ZFP30: variants seen among roughly 807,000 people sequenced by gnomAD.
ZFP30 encodes ZFP30 zinc finger protein, also known as zinc finger protein 30 homolog.
ZFP30 carries 16 observed loss-of-function variants against 12.3 expected under a neutral mutation model. The ratio of observed to expected loss-of-function variants is 1.30; its 90% confidence interval spans 0.88 to 1.98. The LOEUF (loss-of-function observed/expected upper bound fraction) is 1.98, where lower values mean the gene tolerates loss of function less well. Among genes scored for constraint, ZFP30 ranks in the 30% most tolerant of loss-of-function variants. The pLI, the probability that ZFP30 is intolerant of heterozygous loss-of-function variation, is 0.00. For synonymous variants in ZFP30, 172 were observed against 201.0 expected (o/e 0.86, Z 1.22); for missense variants, 560 against 611.2 (o/e 0.92, Z 0.88).
intron 2 of ZFP30, among the ~76,000 whole-genome samples, chr19:37,651,263 G>A (rs1342043769): frequency 6.6e-6 from 1 of 152,024 alleles, no homozygotes; most frequent in Non-Finnish European, 1.5e-5. Context: ...TGTAATTGAA[G>A]GATGAAGCTC....
rs59250127 is a variant in ZFP30, at chr19:37,631,680, T to TAAAAAA, written c.*3295_*3300dup. 3 of 111,376 alleles carry TAAAAAA rather than the reference T, an allele frequency of 2.7e-5. No homozygotes were observed. Among genetic ancestry groups the TAAAAAA allele is most frequent in the African/African-American group, 6.1e-5 (2 of 32,830 alleles). The allele number at this position is 111,376 out of a possible 1,614,324, so 6.9% of individuals were successfully genotyped here. A position where few individuals can be genotyped will look rare whatever the true frequency, so the allele number is the denominator to read the frequency against. On this transcript the variant is annotated 3_prime_UTR_variant, in exon 6 of 6. Transcript: ENST00000684514. ...ATTCCATTCTTAATACATAGAAAGCTAAAAAAAAAAAAAAAAAAAAGACAA... is the reference window on the plus strand; with the variant it reads ...ATTCCATTCTTAATACATAGAAAGCTAAAAAAAAAAAAAAAAAAAAAAAAAAGACAA...
At position 37,635,958 on chromosome 19, in the gene ZFP30, A is replaced by C; in HGVS notation, c.583T>G (p.Phe195Val). ...CGACTGAGGTGGGCACACTGTCTAA[A>C]GGCTTTTCCACATTCTTTACATTCA... is the stretch of plus-strand genomic sequence containing the variant. ...PYECKECGKAFRQCAHLSRHQ... is the reference protein window; with the variant it reads ...PYECKECGKAVRQCAHLSRHQ... Residue 195 changes from phenylalanine (F) to valine (V), a missense_variant, in exon 6 of 6, where the codon TTT becomes GTT. Physicochemically the swap from Phe to Val is conservative, Grantham distance 50 (BLOSUM62 -1). Coordinates refer to ENST00000684514, the MANE Select transcript of ZFP30 (RefSeq NM_001320669.3). 6.2e-7 allele frequency: 1 copy of C among 1,614,208 alleles called. No homozygotes were observed. The highest frequency in any genetic ancestry group is 8.5e-7 in the Non-Finnish European group (1 of 1,180,028).
At position 37,644,623 on chromosome 19, in the gene ZFP30, G is replaced by C. The variant is rs1156681053; in HGVS notation, c.123C>G (p.Asn41Lys). 2 of 1,605,774 alleles carry C rather than the reference G, an allele frequency of 1.2e-6. No homozygotes were observed. The highest frequency in any genetic ancestry group is 1.7e-6 in the Non-Finnish European group (2 of 1,176,874). ...YRDVILENYS[N>K]LVSLAGCSIS... ...TGCTAGGCTTACCCAGTGACACCAAGTTGCTATAGTTCTCTAATATCACAT... is the reference window on the plus strand; with the variant it reads ...TGCTAGGCTTACCCAGTGACACCAACTTGCTATAGTTCTCTAATATCACAT... Residue 41 changes from asparagine to lysine, a missense_variant, in exon 4 of 6, where the codon AAC becomes AAG. By Grantham distance (94) the Asn-to-Lys change is moderately conservative. Transcript: ENST00000684514.
rs548530462 is a variant in ZFP30 at position 37,634,906 on chromosome 19, G to A, written c.*75C>T. On this transcript the variant is annotated 3_prime_UTR_variant, in exon 6 of 6. Transcript: ENST00000684514. ...AGCATGAAGCAAAAGGGATTCCCAC[G>A]TTCAAAAACCTTTCCTCTAGAATGT... The A allele has an allele frequency of 9.1e-5, 129 of 1,421,460 alleles. No individual in the cohort carries two copies. The highest frequency in any genetic ancestry group is 3.3e-4 in the South Asian group (20 of 60,632). The allele number at this position is 1,421,460 out of a possible 1,614,324, so 88.1% of individuals were successfully genotyped here.
At chr19:37,639,448 C>T (rs933419428) in intron 5 of ZFP30, among the ~76,000 whole-genome samples, 2 of 152,224 alleles carry the variant, frequency 1.3e-5, no homozygotes, top group South Asian at 4.1e-4. Flanking sequence ...AAAGTCCACA[C>T]AAACTGGGCA....
chr19:37,646,085 G>A (rs1053709729), intron 3 of ZFP30, among the ~76,000 whole-genome samples: 7 of 152,100 alleles, frequency 4.6e-5, no homozygotes, highest in Non-Finnish European at 7.4e-5. Context: ...GTAGCATGAC[G>A]AAATCTCACA....
rs1283063266 is a variant in ZFP30, at chr19:37,633,236, A to G, written c.*1745T>C. ...ATATAGAGATAGAGAGGTCAACTAA[A>G]TAAAATGTGGACCTACATTTTAACT... is the stretch of plus-strand genomic sequence containing the variant. On this transcript the variant is annotated 3_prime_UTR_variant, in exon 6 of 6. Coordinates refer to ENST00000684514, the MANE Select transcript of ZFP30 (RefSeq NM_001320669.3). The G allele has an allele frequency of 6.6e-6, 1 of 152,200 alleles. No individual in the cohort carries two copies. Among genetic ancestry groups the G allele is most frequent in the Non-Finnish European group, 1.5e-5 (1 of 68,024 alleles). The allele number at this position is 152,200 out of a possible 1,614,324, so 9.4% of individuals were successfully genotyped here. A position where few individuals can be genotyped will look rare whatever the true frequency, so the allele number is the denominator to read the frequency against.
In ZFP30 at chr19:37,634,417, T is replaced by C. The variant is rs911708255; in HGVS notation, c.*564A>G. On this transcript the variant is annotated 3_prime_UTR_variant, in exon 6 of 6. Coordinates refer to ENST00000684514, the MANE Select transcript of ZFP30 (RefSeq NM_001320669.3). Reference sequence around the variant, plus strand: ...TCAGTCTCATCTATTCACTATAAAGTTCACAACCTTCACTGAATGGTGTCA... The same window carrying C: ...TCAGTCTCATCTATTCACTATAAAGCTCACAACCTTCACTGAATGGTGTCA... The C allele has an allele frequency of 1.2e-4, 18 of 152,246 alleles. No homozygotes were observed. The highest frequency in any genetic ancestry group is 4.3e-4 in the African/African-American group (18 of 41,460). The allele number at this position is 152,246 out of a possible 1,614,324, so 9.4% of individuals were successfully genotyped here.
In ZFP30 at chr19:37,635,156, C is replaced by T. The variant is rs770216849; in HGVS notation, c.1385G>A (p.Gly462Asp). 10 of 1,612,076 alleles carry T rather than the reference C, an allele frequency of 6.2e-6. No homozygotes were observed. The highest frequency in any genetic ancestry group is 1.6e-4 in the Middle Eastern group (1 of 6,066). The change falls in exon 6 of 6, where the codon GGT becomes GAT. Residue 462 changes from glycine (G) to aspartate (D), a missense_variant. Physicochemically the swap from Gly to Asp is moderately conservative, Grantham distance 94 (BLOSUM62 -1). Coordinates refer to ENST00000684514, the MANE Select transcript of ZFP30 (RefSeq NM_001320669.3). ...QLTQHQSIHTGEKPYDCKECG... is the reference protein window; with the variant it reads ...QLTQHQSIHTDEKPYDCKECG... ...TTCCTTACAGTCATAGGGCTTTTCACCAGTATGAATACTTTGATGTTGGGT... is the reference window on the plus strand; with the variant it reads ...TTCCTTACAGTCATAGGGCTTTTCATCAGTATGAATACTTTGATGTTGGGT...
intron 1 of ZFP30, chr19:37,655,151 A>C (rs1298433745): frequency 1.3e-5 from 2 of 152,312 alleles, no homozygotes; most frequent in African/African-American, 4.8e-5. Flanking sequence ...AAGTGGCTGA[A>C]GCGCGGACGA....
chr19:37,637,036 T>TCA (rs1223475082), intron 5 of ZFP30, among the ~76,000 whole-genome samples: 2 of 152,012 alleles, frequency 1.3e-5, no homozygotes, highest in Non-Finnish European at 2.9e-5. Flanking sequence ...TTGGAGCTTT[T>TCA]CACTGGCTAT....
In ZFP30 at chr19:37,634,333, C is replaced by T. The variant is rs751125350; in HGVS notation, c.*648G>A. 2.6e-5 allele frequency: 4 copies of T among 152,064 alleles called. No individual in the cohort carries two copies. Among genetic ancestry groups the T allele is most frequent in the African/African-American group, 4.8e-5 (2 of 41,390 alleles). The allele number at this position is 152,064 out of a possible 1,614,324, so 9.4% of individuals were successfully genotyped here. A position where few individuals can be genotyped will look rare whatever the true frequency, so the allele number is the denominator to read the frequency against. ...TCTTACTGTAGCACATTAGGAGGCACGTAATTTTTACTCTCTTGCTTTTTG... is the reference window on the plus strand; with the variant it reads ...TCTTACTGTAGCACATTAGGAGGCATGTAATTTTTACTCTCTTGCTTTTTG... On this transcript the variant is annotated 3_prime_UTR_variant, in exon 6 of 6. Coordinates refer to ENST00000684514, the MANE Select transcript of ZFP30 (RefSeq NM_001320669.3).
At chr19:37,637,114 T>C (rs1346781049) in intron 5 of ZFP30, among the ~76,000 whole-genome samples, 2 of 152,158 alleles carry the variant, frequency 1.3e-5, no homozygotes, top group Non-Finnish European at 2.9e-5. Context: ...GGTTTCATTT[T>C]AAAAATCAGA....
chr19:37,653,118 C>CAAAAAAAAAAA (rs372066359), intron 2 of ZFP30, among the ~76,000 whole-genome samples: 2 of 48,640 alleles, frequency 4.1e-5, no homozygotes, highest in East Asian at 5.5e-4. Flanking sequence ...AACTCCGTCT[C>CAAAAAAAAAAA]AAAAAAAAAA....
At chr19:37,647,699 G>A (rs1242432421) in intron 3 of ZFP30, 115 bp downstream of exon 3, 5 of 1,326,502 alleles carry the variant, frequency 3.8e-6, no homozygotes, top group Non-Finnish European at 5.4e-6. Context: ...GGGGAAGACT[G>A]GGGAGAAGCT....
chr19:37,636,623 G>C (rs557647289), intron 5 of ZFP30, among the ~76,000 whole-genome samples: 1 of 151,914 alleles, frequency 6.6e-6, no homozygotes, highest in African/African-American at 2.4e-5. Context: ...CGAACACAAG[G>C]TATCAACTCA....
Position 37,636,235 on chromosome 19 carries a change from CTGAGA to C in ZFP30, c.301_305del (p.Ser101ValfsTer8). 1.9e-6 allele frequency: 3 copies of C among 1,613,472 alleles called. No homozygotes were observed. The highest frequency in any genetic ancestry group is 1.1e-5 in the South Asian group (1 of 90,876). On this transcript the variant is annotated frameshift_variant, in exon 6 of 6. Coordinates refer to ENST00000684514, the MANE Select transcript of ZFP30 (RefSeq NM_001320669.3). LOFTEE classifies it low-confidence loss of function (END_TRUNC). ...TTTTAATTCTTTCCATTACCTTCCA[CTGAGA>C]TAAGTTCATTTCATAAATATCCTTT...
In ZFP30 at chr19:37,635,416, T is replaced by C. The variant is rs772121694; in HGVS notation, c.1125A>G (p.Ile375Met). The change falls in exon 6 of 6, where the codon ATA (isoleucine) becomes ATG (methionine). Residue 375 changes from isoleucine (I) to methionine (M), a missense_variant. Coordinates refer to ENST00000684514, the MANE Select transcript of ZFP30 (RefSeq NM_001320669.3). ...ATTCATAGGGCTTTTCACCAGTATG[T>C]ATTCTCTGATGGAGAGTTAGATGAT... ...RGYHLTLHQR[I>M]HTGEKPYECK... 1.2e-6 allele frequency: 2 copies of C among 1,614,056 alleles called. No homozygotes were observed. The highest frequency in any genetic ancestry group is 1.1e-5 in the South Asian group (1 of 91,072).
chr19:37,647,929 A>C (rs1599629327), intron 2 of ZFP30, 30 bp from the exon 3 acceptor site: 7 of 1,359,350 alleles, frequency 5.1e-6, no homozygotes, highest in East Asian at 2.3e-5. Context: ...AATCATGAGA[A>C]GAGAACTGCC....
Sources: gnomAD v4.1 joint callset for allele counts (sites outside exome capture counted in the v4.1 genomes callset) on GRCh38, gnomAD v4.1.1 for gene constraint, MANE v1.5 for transcripts, NCBI Gene and HGNC (gene_info 2026-07-23, HGNC 2026-07-21) for gene names.